The following TNFSF4 variants were observed in gnomAD, a reference collection of about 807,000 sequenced individuals.
The protein encoded by TNFSF4 is tumor necrosis factor ligand superfamily member 4.
In TNFSF4, 4 loss-of-function variants were observed where a neutral mutation model predicts 7.3. The ratio of observed to expected loss-of-function variants is 0.55; its 90% confidence interval spans 0.27 to 1.25. The LOEUF is 1.25. TNFSF4 is among the 50% of genes most tolerant of loss of function. The pLI is 0.12. For synonymous variants in TNFSF4, 76 were observed against 83.7 expected (o/e 0.91, Z 0.50); for missense variants, 181 against 208.8 (o/e 0.87, Z 0.82).
the TNFSF4 span, among the ~76,000 whole-genome samples, chr1:173,277,646 T>G: frequency 2.6e-5 from 4 of 152,136 alleles, no homozygotes; most frequent in African/African-American, 9.7e-5. Context: ...TTGCTATCAG[T>G]TCTGCATTAG....
At chr1:173,368,443 G>T in the TNFSF4 span, among the ~76,000 whole-genome samples, 120,617 of 152,070 alleles carry the variant, frequency 0.79, 48,125 homozygotes, top group East Asian at 0.91. Flanking sequence ...TTGGACCCCT[G>T]TTGCTTGCTA....
At chr1:173,431,745 A>G in the TNFSF4 span, among the ~76,000 whole-genome samples, 2 of 152,196 alleles carry the variant, frequency 1.3e-5, no homozygotes, top group African/African-American at 2.4e-5. Context: ...CATGTTCAGG[A>G]CTGCAACCTG....
the TNFSF4 span, among the ~76,000 whole-genome samples, chr1:173,349,270 T>C: frequency 0.3 from 46,192 of 151,930 alleles, 7,205 homozygotes; most frequent in East Asian, 0.35. Context: ...CCTCATGATC[T>C]GCCCGCCTCG....
At chr1:173,382,547 G>T in the TNFSF4 span, among the ~76,000 whole-genome samples, 3 of 152,176 alleles carry the variant, frequency 2.0e-5, no homozygotes, top group South Asian at 6.2e-4. Context: ...CGTTCTGCAC[G>T]TGTATCCCAG....
At chr1:173,282,247 G>A in the TNFSF4 span, among the ~76,000 whole-genome samples, 1 of 151,984 alleles carries the variant, frequency 6.6e-6, no homozygotes, top group African/African-American at 2.4e-5. Flanking sequence ...TGGATATTCT[G>A]ATTACCCTGA....
chr1:173,239,484 T>C, the TNFSF4 span, among the ~76,000 whole-genome samples: 4 of 152,332 alleles, frequency 2.6e-5, no homozygotes, highest in African/African-American at 9.6e-5. Flanking sequence ...CTGATATTTA[T>C]GAAAAGTTTT....
chr1:173,361,016 TAG>T, the TNFSF4 span, among the ~76,000 whole-genome samples: 6 of 152,110 alleles, frequency 3.9e-5, no homozygotes, highest in African/African-American at 1.4e-4. Context: ...CCTGGAAAGA[TAG>T]AGAGATGAAG....
chr1:173,353,257 T>C, the TNFSF4 span, among the ~76,000 whole-genome samples: 1 of 152,190 alleles, frequency 6.6e-6, no homozygotes, highest in South Asian at 2.1e-4. Context: ...AAGTGATAAA[T>C]ATCCACGAAA....
the TNFSF4 span, among the ~76,000 whole-genome samples, chr1:173,350,782 A>G: frequency 6.6e-6 from 1 of 152,210 alleles, no homozygotes; most frequent in Non-Finnish European, 1.5e-5. Context: ...TGGCAATTCA[A>G]TGAGTCAACC....
the TNFSF4 span, among the ~76,000 whole-genome samples, chr1:173,390,689 A>T: frequency 6.6e-6 from 1 of 151,448 alleles, no homozygotes; most frequent in Non-Finnish European, 1.5e-5. Context: ...GAAAGACAGA[A>T]TACCTTATTA....
the TNFSF4 span, among the ~76,000 whole-genome samples, chr1:173,293,549 C>G: frequency 6.6e-6 from 1 of 151,866 alleles, no homozygotes; most frequent in African/African-American, 2.4e-5. Flanking sequence ...ATTCTGGACA[C>G]TAGTCTTAGC....
the TNFSF4 span, among the ~76,000 whole-genome samples, chr1:173,349,731 G>C: frequency 6.6e-6 from 1 of 152,038 alleles, no homozygotes; most frequent in Non-Finnish European, 1.5e-5. Context: ...TTATATTCCG[G>C]GATCCTCAGA....
chr1:173,309,528 A>T, the TNFSF4 span, among the ~76,000 whole-genome samples: 1 of 151,928 alleles, frequency 6.6e-6, no homozygotes, highest in African/African-American at 2.4e-5. Context: ...GTATTTCCAA[A>T]ATAAACATAA....
At chr1:173,279,733 C>A in the TNFSF4 span, among the ~76,000 whole-genome samples, 1 of 152,064 alleles carries the variant, frequency 6.6e-6, no homozygotes, top group Non-Finnish European at 1.5e-5. Flanking sequence ...AATACTGTCA[C>A]CTAGGTATTT....
rs1157832408 is a variant in TNFSF4, at chr1:173,188,553, G to C, written c.170C>G (p.Pro57Arg). The stretch of plus-strand genomic sequence containing the variant: ...TTGTACTTTGATACTTTGAATTCGA[G>C]GATACCGATGTGATACCTGAGGGAG... ...FSALQVSHRY[P>R]RIQSIKVQFT... Residue 57 changes from proline to arginine, a missense_variant, in exon 2 of 3, where the codon CCT (proline) becomes CGT (arginine). Pro to Arg is a moderately radical substitution (Grantham distance 103). Transcript: ENST00000281834. The C allele has an allele frequency of 6.2e-7, 1 of 1,612,224 alleles. No individual in the cohort carries two copies. The highest frequency in any genetic ancestry group is 8.5e-7 in the Non-Finnish European group (1 of 1,178,592).
the TNFSF4 span, among the ~76,000 whole-genome samples, chr1:173,436,505 G>A: frequency 6.6e-6 from 1 of 152,160 alleles, no homozygotes; most frequent in African/African-American, 2.4e-5. Flanking sequence ...TCCCTCCCGG[G>A]TTCAAGCAAC....
chr1:173,348,455 C>A, the TNFSF4 span, among the ~76,000 whole-genome samples: 1 of 152,126 alleles, frequency 6.6e-6, no homozygotes, highest in African/African-American at 2.4e-5. Flanking sequence ...TCAGGTATGT[C>A]TTTATCAGTA....
At chr1:173,371,505 A>G in the TNFSF4 span, among the ~76,000 whole-genome samples, 1 of 152,140 alleles carries the variant, frequency 6.6e-6, no homozygotes, top group Non-Finnish European at 1.5e-5. Context: ...AATCAGGCTA[A>G]AAGACCCCCC....
the TNFSF4 span, among the ~76,000 whole-genome samples, chr1:173,282,880 T>A: frequency 2.0e-5 from 3 of 152,226 alleles, no homozygotes; most frequent in Non-Finnish European, 4.4e-5. Context: ...ACAATTTTTA[T>A]ATGTTATATA....
Sources: gnomAD v4.1 joint callset for allele counts (sites outside exome capture counted in the v4.1 genomes callset) on GRCh38, gnomAD v4.1.1 for gene constraint, MANE v1.5 for transcripts, NCBI Gene and HGNC (gene_info 2026-07-23, HGNC 2026-07-21) for gene names.